Variants in TECRL observed in about 807,000 individuals in gnomAD.
The protein encoded by TECRL is trans-2,3-enoyl-CoA reductase-like.
A neutral mutation model predicts 52.8 loss-of-function variants in TECRL; 63 were observed. The ratio of observed to expected loss-of-function variants is 1.19; its 90% CI spans 0.97 to 1.47. The LOEUF (loss-of-function observed/expected upper bound fraction) is 1.47. Among genes scored for constraint, TECRL ranks in the 40% most tolerant of loss-of-function variants. The pLI is 0.00. For synonymous variants in TECRL, 164 were observed against 141.9 expected, an observed-to-expected ratio of 1.16 and a Z score of -1.10; for missense variants, 482 against 429.6, an observed-to-expected ratio of 1.12 and a Z score of -1.08.
chr4:64,388,282 A>AT (rs1378278735), intron 1 of TECRL, among the ~76,000 whole-genome samples: 7 of 141,804 alleles, frequency 4.9e-5, no homozygotes, highest in Non-Finnish European at 9.1e-5. Context: ...AAAAGACTAT[A>AT]TTTTCTACAT....
At chr4:64,366,611 T>C (rs914871748) in intron 2 of TECRL, among the ~76,000 whole-genome samples, 1 of 151,862 alleles carries the variant, frequency 6.6e-6, no homozygotes. Flanking sequence ...ATAACGTTAA[T>C]AGACATGTAA....
chr4:64,355,884 G>A (rs1720739453), intron 2 of TECRL, among the ~76,000 whole-genome samples: 3 of 151,900 alleles, frequency 2.0e-5, no homozygotes, highest in Admixed American at 6.6e-5. Flanking sequence ...CAATTGTAGG[G>A]AAAAGAAAGA....
At chr4:64,292,874 T>TA (rs1442290887) in intron 8 of TECRL, among the ~76,000 whole-genome samples, 1 of 152,044 alleles carries the variant, frequency 6.6e-6, no homozygotes, top group Non-Finnish European at 1.5e-5. Context: ...CCATAATTAG[T>TA]AAAAAATCCA....
chr4:64,339,053 A>G (rs1166066052), intron 2 of TECRL, among the ~76,000 whole-genome samples: 1 of 151,944 alleles, frequency 6.6e-6, no homozygotes, highest in Admixed American at 6.6e-5. Flanking sequence ...ACAATGATAG[A>G]CTGGATTAAG....
At chr4:64,352,427 A>G (rs1720465964) in intron 2 of TECRL, among the ~76,000 whole-genome samples, 1 of 152,190 alleles carries the variant, frequency 6.6e-6, no homozygotes, top group South Asian at 2.1e-4. Flanking sequence ...ATAGATAGAG[A>G]TAGTATCTAA....
chr4:64,377,760 G>A (rs2109690997), intron 1 of TECRL, among the ~76,000 whole-genome samples: 1 of 152,034 alleles, frequency 6.6e-6, no homozygotes, highest in Admixed American at 6.6e-5. Context: ...CATTTAATCT[G>A]GAATTTGTTT....
At chr4:64,370,002 C>A (rs1721873284) in intron 2 of TECRL, among the ~76,000 whole-genome samples, 1 of 151,364 alleles carries the variant, frequency 6.6e-6, no homozygotes, top group Admixed American at 6.6e-5. Context: ...TTTCTTAGCC[C>A]AAAGGCATAT....
At chr4:64,379,255 C>CACACACACACACACACACAT (rs1423800690) in intron 1 of TECRL, among the ~76,000 whole-genome samples, 44 of 124,614 alleles carry the variant, frequency 3.5e-4, no homozygotes, top group African/African-American at 1.4e-3. Flanking sequence ...CATACACACA[C>CACACACACACACACACACAT]ACACACACAC....
At chr4:64,406,695 C>T (rs1724751280) in intron 1 of TECRL, among the ~76,000 whole-genome samples, 1 of 151,908 alleles carries the variant, frequency 6.6e-6, no homozygotes, top group South Asian at 2.1e-4. Flanking sequence ...TGGGGATGAG[C>T]AATTCAGTGA....
intron 2 of TECRL, among the ~76,000 whole-genome samples, chr4:64,343,695 TTA>T (rs1476775043): frequency 4.6e-5 from 7 of 152,054 alleles, no homozygotes; most frequent in Admixed American, 6.6e-5. Flanking sequence ...TTCAACCTTG[TTA>T]TGGGGAAAAT....
intron 2 of TECRL, among the ~76,000 whole-genome samples, chr4:64,362,794 T>G (rs1230517351): frequency 1.3e-5 from 2 of 151,960 alleles, no homozygotes; most frequent in African/African-American, 4.8e-5. Context: ...TACAATCAAG[T>G]GTACATAACA....
At chr4:64,305,363 C>A in intron 6 of TECRL, 125 bp from the exon 7 acceptor site, 1 of 708,164 alleles carries the variant, frequency 1.4e-6, no homozygotes, top group Admixed American at 2.5e-5. Context: ...ATATTAGACA[C>A]TGCAGCATTT....
intron 5 of TECRL, among the ~76,000 whole-genome samples, chr4:64,314,357 A>G (rs527411171): frequency 6.6e-6 from 1 of 152,166 alleles, no homozygotes; most frequent in African/African-American, 2.4e-5. Context: ...TCTTTTGACT[A>G]CGTTTCTGAA....
chr4:64,316,448 T>C (rs1378635183), intron 4 of TECRL, among the ~76,000 whole-genome samples: 1 of 152,102 alleles, frequency 6.6e-6, no homozygotes, highest in Non-Finnish European at 1.5e-5. Context: ...ATAAGTAACT[T>C]TTGGACAATG....
chr4:64,313,776 G>C (rs886276116), intron 5 of TECRL, among the ~76,000 whole-genome samples: 1 of 149,922 alleles, frequency 6.7e-6, no homozygotes, highest in Non-Finnish European at 1.5e-5. Flanking sequence ...CCACCAGCAC[G>C]GCTGCCTTAC....
intron 8 of TECRL, among the ~76,000 whole-genome samples, chr4:64,293,775 A>G (rs1723525063): frequency 6.6e-6 from 1 of 152,016 alleles, no homozygotes; most frequent in African/African-American, 2.4e-5. Flanking sequence ...GTAGCCATCA[A>G]TTAGTCAGGC....
At chr4:64,390,878 T>C (rs962268685) in intron 1 of TECRL, among the ~76,000 whole-genome samples, 2 of 151,784 alleles carry the variant, frequency 1.3e-5, no homozygotes, top group Non-Finnish European at 3.0e-5. Context: ...ATGACAAATA[T>C]GAAATGAGTT....
intron 9 of TECRL, among the ~76,000 whole-genome samples, chr4:64,285,565 C>G (rs1723038115): frequency 6.6e-6 from 1 of 152,000 alleles, no homozygotes; most frequent in Admixed American, 6.6e-5. Flanking sequence ...AAATTCAAGA[C>G]TAGGAGACAC....
intron 6 of TECRL, among the ~76,000 whole-genome samples, chr4:64,307,659 C>T (rs1251972548): frequency 6.6e-6 from 1 of 152,114 alleles, no homozygotes; most frequent in Non-Finnish European, 1.5e-5. Context: ...ACCCTCAGAC[C>T]CTAATGTTCA....
Sources: allele counts gnomAD v4.1 joint callset (sites outside exome capture counted in the v4.1 genomes callset), GRCh38; gene constraint gnomAD v4.1.1; transcripts MANE v1.5; gene names NCBI Gene and HGNC (gene_info 2026-07-23, HGNC 2026-07-21).